The following SLC25A18 variants were observed in gnomAD, a reference collection of about 807,000 sequenced individuals.
SLC25A18 encodes the protein solute carrier family 25 member 18.
A neutral mutation model predicts 31.1 loss-of-function variants in SLC25A18; 24 were observed. The observed-to-expected ratio is 0.77, with a 90% CI of 0.56 to 1.08. The LOEUF is 1.08. Ranked by LOEUF, SLC25A18 falls within the 50% of genes least tolerant of loss-of-function variation. The pLI, the probability that SLC25A18 is intolerant of heterozygous loss-of-function variation, is 0.00. For synonymous variants in SLC25A18, 173 were observed against 161.9 expected, an observed-to-expected ratio of 1.07 and a Z score of -0.52; for missense variants, 371 against 418.5, an observed-to-expected ratio of 0.89 and a Z score of 0.99.
In SLC25A18 at chr22:17,579,768, G is replaced by GGAAGCCGCA. The variant is rs1375620820; in HGVS notation, c.-176_-175insAAGCCGCAG. 1 of 1,409,652 alleles carries GGAAGCCGCA rather than the reference G, an allele frequency of 7.1e-7. No homozygotes were observed. 87.3% of individuals were successfully genotyped at this position (1,409,652 alleles called of 1,614,324 possible). A position where few individuals can be genotyped will look rare whatever the true frequency, so the allele number is the denominator to read the frequency against. On this transcript the variant is annotated 5_prime_UTR_variant, in exon 3 of 11. Transcript: ENST00000327451. ...AGGGGAGGAAGCCGCAGCCCAAGGA[G>GGAAGCCGCA]GTCGTCACTTGCCGGGAAGGTGGCT...
At chr22:17,586,715 G>T (rs2057558715) in intron 7 of SLC25A18, among the ~76,000 whole-genome samples, 1 of 152,206 alleles carries the variant, frequency 6.6e-6, no homozygotes, top group South Asian at 2.1e-4. Flanking sequence ...GGAGGCAGAG[G>T]TTGCAGTGAG....
At chr22:17,564,599 C>T (rs1247734612) in intron 1 of SLC25A18, among the ~76,000 whole-genome samples, 1 of 152,144 alleles carries the variant, frequency 6.6e-6, no homozygotes, top group Non-Finnish European at 1.5e-5. Context: ...CGGTGGCTCA[C>T]ACCTGTAATC....
At chr22:17,565,606 G>A (rs562012353) in intron 1 of SLC25A18, among the ~76,000 whole-genome samples, 4 of 151,452 alleles carry the variant, frequency 2.6e-5, no homozygotes, top group South Asian at 4.3e-4. Context: ...GTTGGCTCAC[G>A]CCTGTAATAC....
chr22:17,580,328 C>T (rs2057339574), intron 3 of SLC25A18: 3 of 228,470 alleles, frequency 1.3e-5, no homozygotes, highest in South Asian at 1.6e-4. Context: ...AGTCTGCCTC[C>T]CGCCTGAAAG....
chr22:17,581,002 G>C, intron 3 of SLC25A18, 35 bp from the exon 4 acceptor site: 1 of 1,517,952 alleles, frequency 6.6e-7, no homozygotes, highest in African/African-American at 1.4e-5. Flanking sequence ...CCCTCCCTCT[G>C]CCTCTCTCCT....
chr22:17,576,343 G>A (rs981183455), intron 2 of SLC25A18, among the ~76,000 whole-genome samples: 2 of 150,324 alleles, frequency 1.3e-5, no homozygotes, highest in African/African-American at 2.5e-5. Flanking sequence ...GACAGAGTGA[G>A]ACTCCGTCTC....
At chr22:17,571,833 A>T (rs2057095093) in intron 2 of SLC25A18, among the ~76,000 whole-genome samples, 1 of 151,964 alleles carries the variant, frequency 6.6e-6, no homozygotes, top group South Asian at 2.1e-4. Flanking sequence ...ACCCTGGCCA[A>T]CATGGTGAAA....
At position 17,569,966 on chromosome 22, in the gene SLC25A18, A is replaced by G; in HGVS notation, c.-221A>G. 1 of 985,462 alleles carries G rather than the reference A, an allele frequency of 1.0e-6. No individual in the cohort carries two copies. 61.0% of individuals were successfully genotyped at this position (985,462 alleles called of 1,614,324 possible). ...CTATATCCTGGGTTCCAGAAAAGGC[A>G]GAGGTTCTTACCGAAAGCAGGTAAG... is the stretch of plus-strand genomic sequence containing the variant. On this transcript the variant is annotated 5_prime_UTR_variant, in exon 2 of 11. Transcript: ENST00000327451.
At chr22:17,568,128 G>T (rs2056984240) in intron 1 of SLC25A18, among the ~76,000 whole-genome samples, 1 of 152,052 alleles carries the variant, frequency 6.6e-6, no homozygotes, top group Admixed American at 6.6e-5. Flanking sequence ...ACTTTGGGAG[G>T]CTGAGGCGGG....
Position 17,589,626 on chromosome 22 carries a change from TGGGCGA to T in SLC25A18, c.770_775del (p.Gly257_Glu258del). Reference sequence around the variant, plus strand: ...CGAATCCAAACCCTCAAGAAAGGCCTGGGCGAGGACATGTACAGTGGGATCACCGAC... The same window carrying T: ...CGAATCCAAACCCTCAAGAAAGGCCTGGACATGTACAGTGGGATCACCGAC... On this transcript the variant is annotated inframe_deletion, in exon 10 of 11. Coordinates refer to ENST00000327451, the MANE Select transcript of SLC25A18 (RefSeq NM_031481.3). 6.2e-7 allele frequency: 1 copy of T among 1,614,124 alleles called. No homozygotes were observed. Among genetic ancestry groups the T allele is most frequent in the Non-Finnish European group, 8.5e-7 (1 of 1,180,008 alleles).
intron 2 of SLC25A18, among the ~76,000 whole-genome samples, chr22:17,572,884 G>A (rs973864427): frequency 1.4e-4 from 21 of 152,076 alleles, no homozygotes; most frequent in African/African-American, 2.7e-4. Context: ...CTCGTGATCC[G>A]CCCGCCTCGG....
chr22:17,573,000 C>A (rs545554346), intron 2 of SLC25A18, among the ~76,000 whole-genome samples: 1 of 152,208 alleles, frequency 6.6e-6, no homozygotes, highest in South Asian at 2.1e-4. Flanking sequence ...GTAGTCTCAA[C>A]AACCCAGGAG....
intron 2 of SLC25A18, among the ~76,000 whole-genome samples, chr22:17,574,036 T>C (rs1386707194): frequency 6.6e-6 from 1 of 152,164 alleles, no homozygotes; most frequent in Non-Finnish European, 1.5e-5. Flanking sequence ...TCAAGACCAG[T>C]CTGGGCAACA....
chr22:17,584,379 C>G (rs1264936717), intron 7 of SLC25A18, among the ~76,000 whole-genome samples: 2 of 111,120 alleles, frequency 1.8e-5, no homozygotes, highest in African/African-American at 6.4e-5. Context: ...GGAGACAGAG[C>G]AAGACTCCAT....
chr22:17,587,400 T>A, intron 8 of SLC25A18, 99 bp downstream of exon 8: 5 of 1,426,256 alleles, frequency 3.5e-6, no homozygotes, highest in East Asian at 2.3e-5. Context: ...CTTCCCAGAA[T>A]ATCCAAACCC....
intron 3 of SLC25A18, 49 bp from the exon 4 acceptor site, chr22:17,580,988 C>A (rs1182028921): frequency 6.6e-7 from 1 of 1,507,182 alleles, no homozygotes; most frequent in Non-Finnish European, 8.9e-7. Context: ...GCTCCCTAAC[C>A]TGCCCCTCCC....
chr22:17,579,450 C>T (rs1252677242), intron 2 of SLC25A18, among the ~76,000 whole-genome samples: 5 of 152,248 alleles, frequency 3.3e-5, no homozygotes, highest in Non-Finnish European at 5.9e-5. Context: ...ATAGCAACTC[C>T]TCTTAAAATC....
At chr22:17,589,492 A>G (rs2057654655) in intron 9 of SLC25A18, 98 bp from the exon 10 acceptor site, 10 of 1,071,694 alleles carry the variant, frequency 9.3e-6, no homozygotes, top group Non-Finnish European at 1.4e-5. Context: ...TCAGTTTTAT[A>G]TGTGGTGGCT....
chr22:17,565,960 A>T (rs1333060092), intron 1 of SLC25A18, among the ~76,000 whole-genome samples: 16 of 151,808 alleles, frequency 1.1e-4, no homozygotes, highest in African/African-American at 3.1e-4. Context: ...CCCAAAGCAC[A>T]AGGATTACAG....
Sources: allele counts gnomAD v4.1 joint callset (sites outside exome capture counted in the v4.1 genomes callset), GRCh38; gene constraint gnomAD v4.1.1; transcripts MANE v1.5; gene names NCBI Gene and HGNC (gene_info 2026-07-23, HGNC 2026-07-21).